The following UQCRB variants were observed in gnomAD, a reference collection of about 807,000 sequenced individuals.
UQCRB encodes cytochrome b-c1 complex subunit 7.
Under a neutral mutation model 19.8 loss-of-function variants are expected in UQCRB, and 12 were observed. The ratio of observed to expected loss-of-function variants is 0.61; its 90% CI spans 0.39 to 0.98. The LOEUF is 0.98. Ranked by LOEUF, UQCRB falls within the 50% of genes least tolerant of loss-of-function variation. The pLI, the probability that UQCRB is intolerant of heterozygous loss-of-function variation, is 0.00. For missense variants in UQCRB, 142 were observed against 131.8 expected, an observed-to-expected ratio of 1.08 and a Z score of -0.38; for synonymous variants, 39 against 42.9, an observed-to-expected ratio of 0.91 and a Z score of 0.35.
chr8:96,229,947 C>G lies in UQCRB; in HGVS notation c.*1108G>C, dbSNP rs963656346. On this transcript the variant is annotated 3_prime_UTR_variant, in exon 4 of 4. Transcript: ENST00000287022. ...GGTAAGGCATTCCTGCCACACACAGCAATGACTTGTCCTGGAAAACCAGGG... is the reference window on the plus strand; with the variant it reads ...GGTAAGGCATTCCTGCCACACACAGGAATGACTTGTCCTGGAAAACCAGGG... 13 of 454,032 alleles carry G rather than the reference C, an allele frequency of 2.9e-5. No individual in the cohort carries two copies. Among genetic ancestry groups the G allele is most frequent in the African/African-American group, 2.4e-4 (12 of 50,006 alleles). The allele number at this position is 454,032 out of a possible 1,614,324, so 28.1% of individuals were successfully genotyped here.
rs1044108325 is a variant in UQCRB at position 96,228,647 on chromosome 8, C to T, written c.*2408G>A. On this transcript the variant is annotated 3_prime_UTR_variant, in exon 4 of 4. Coordinates refer to ENST00000287022, the MANE Select transcript of UQCRB (RefSeq NM_006294.5). ...CCAGAAACTGTTAGTGCTTGACATG[C>T]AGTCAGTTAATTTTCACAACTGGGT... The T allele has an allele frequency of 2.2e-6, 1 of 454,104 alleles. No individual in the cohort carries two copies. The allele number at this position is 454,104 out of a possible 1,614,324, so 28.1% of individuals were successfully genotyped here.
rs1405049634 is a variant in UQCRB at position 96,228,919 on chromosome 8, A to G, written c.*2136T>C. 1.1e-5 allele frequency: 5 copies of G among 454,000 alleles called. No homozygotes were observed. The East Asian group carries it at 3.5e-4, about 32-fold the overall frequency. 28.1% of individuals were successfully genotyped at this position (454,000 alleles called of 1,614,324 possible). A position where few individuals can be genotyped will look rare whatever the true frequency, so the allele number is the denominator to read the frequency against. On this transcript the variant is annotated 3_prime_UTR_variant, in exon 4 of 4. Coordinates refer to ENST00000287022, the MANE Select transcript of UQCRB (RefSeq NM_006294.5). ...CTGTGTTTCAGGCACTCTCATGGTG[A>G]TTTTCCACACAGGACGGCTTTTGAT... is the stretch of plus-strand genomic sequence containing the variant.
rs1036876002 is a variant in UQCRB at position 96,228,043 on chromosome 8, G to T, written c.*3012C>A. ...CTGGCAATTGGGGGTCTGAAGGCCC[G>T]ACATCCCTTACGCTGCTTCCTACAT... On this transcript the variant is annotated 3_prime_UTR_variant, in exon 4 of 4. Coordinates refer to ENST00000287022, the MANE Select transcript of UQCRB (RefSeq NM_006294.5). 2.2e-6 allele frequency: 1 copy of T among 453,948 alleles called. No homozygotes were observed. The highest frequency in any genetic ancestry group is 4.4e-6 in the Non-Finnish European group (1 of 226,798). 28.1% of individuals were successfully genotyped at this position (453,948 alleles called of 1,614,324 possible).
At chr8:96,234,811 C>T (rs1268753927) in intron 1 of UQCRB, 2 of 191,544 alleles carry the variant, frequency 1.0e-5, no homozygotes, top group Admixed American at 5.9e-5. Context: ...GCTACTCCAA[C>T]TTGTACCGCC....
Position 96,228,934 on chromosome 8 carries a change from C to T in UQCRB, c.*2121G>A, listed in dbSNP as rs147363226. ...TCTCATGGTGATTTTCCACACAGGA[C>T]GGCTTTTGATAATAGAAAGGCCCTC... On this transcript the variant is annotated 3_prime_UTR_variant, in exon 4 of 4. Transcript: ENST00000287022. The T allele has an allele frequency of 1.6e-3, 728 of 454,048 alleles. 8 individuals are homozygous for T. Among genetic ancestry groups the T allele is most frequent in the African/African-American group, 0.013 (648 of 50,108 alleles). The allele number at this position is 454,048 out of a possible 1,614,324, so 28.1% of individuals were successfully genotyped here.
Position 96,228,571 on chromosome 8 carries a change from G to A in UQCRB, c.*2484C>T. 1 of 454,114 alleles carries A rather than the reference G, an allele frequency of 2.2e-6. No homozygotes were observed. The highest frequency in any genetic ancestry group is 4.4e-6 in the Non-Finnish European group (1 of 226,788). 28.1% of individuals were successfully genotyped at this position (454,114 alleles called of 1,614,324 possible). The stretch of plus-strand genomic sequence containing the variant: ...TTGATGATATTCAGCGTTTTCCCAA[G>A]TTATTCTTTCTCGCTTCTCAGCACA... On this transcript the variant is annotated 3_prime_UTR_variant, in exon 4 of 4. Coordinates refer to ENST00000287022, the MANE Select transcript of UQCRB (RefSeq NM_006294.5).
At chr8:96,233,326 C>A (rs1809720690) in intron 1 of UQCRB, 99 bp from the exon 2 acceptor site, 2 of 1,060,414 alleles carry the variant, frequency 1.9e-6, no homozygotes, top group African/African-American at 1.6e-5. Context: ...CTGATGAATG[C>A]AAACATAGAA....
rs748829616 is a variant in UQCRB at position 96,231,146 on chromosome 8, G to A, written c.259-14C>T. 8.7e-6 allele frequency: 14 copies of A among 1,614,076 alleles called. No homozygotes were observed. In the South Asian group the frequency reaches 1.3e-4, roughly 15 times the overall value. ...GTAGAAATTTTCCTAAAGAATGAATGAAATATTATATGTTACCATCACGTA... is the reference window on the plus strand; with the variant it reads ...GTAGAAATTTTCCTAAAGAATGAATAAAATATTATATGTTACCATCACGTA... On this transcript the variant is annotated splice_polypyrimidine_tract_variant and intron_variant, in intron 3 of 3. Transcript: ENST00000287022.
Position 96,224,887 on chromosome 8 carries a change from T to A in UQCRB, c.*6168A>T. On this transcript the variant is annotated 3_prime_UTR_variant, in exon 4 of 4. Transcript: ENST00000287022. Reference sequence around the variant, plus strand: ...GAGGCAAAACCACAGAGGAGAGGACTGAGAGTTTGTACTACATAAAAATCA... The same window carrying A: ...GAGGCAAAACCACAGAGGAGAGGACAGAGAGTTTGTACTACATAAAAATCA... Among the ~76,000 whole-genome samples, 1 of 152,198 alleles carries A rather than the reference T, an allele frequency of 6.6e-6. No homozygotes were observed. Among genetic ancestry groups the A allele is most frequent in the East Asian group, 1.9e-4 (1 of 5,196 alleles).
At chr8:96,233,023 T>C in intron 2 of UQCRB, 133 bp downstream of exon 2, 1 of 756,040 alleles carries the variant, frequency 1.3e-6, no homozygotes, top group East Asian at 2.6e-5. Context: ...TAAAATCTTC[T>C]GATGTATACA....
At chr8:96,232,408 C>T in intron 2 of UQCRB, 1 of 157,276 alleles carries the variant, frequency 6.4e-6, no homozygotes. Context: ...CTTCAAGCTT[C>T]AATAGTAAAA....
At chr8:96,234,790 C>A (rs1014946164) in intron 1 of UQCRB, 2 of 193,116 alleles carry the variant, frequency 1.0e-5, no homozygotes, top group Non-Finnish European at 2.1e-5. Context: ...AACAAACAAA[C>A]AAACAAAACG....
Position 96,224,656 on chromosome 8 carries a change from C to T in UQCRB, c.*6399G>A, listed in dbSNP as rs1809498094. On this transcript the variant is annotated 3_prime_UTR_variant, in exon 4 of 4. Coordinates refer to ENST00000287022, the MANE Select transcript of UQCRB (RefSeq NM_006294.5). ...CTTTTACCCTTCCTCACATCCACCT[C>T]TTACACATCTAACTGATATCCAGTC... Among the ~76,000 whole-genome samples, 1 of 152,216 alleles carries T rather than the reference C, an allele frequency of 6.6e-6. No individual in the cohort carries two copies. Among genetic ancestry groups the T allele is most frequent in the Non-Finnish European group, 1.5e-5 (1 of 68,042 alleles).
At chr8:96,234,404 G>A in intron 1 of UQCRB, 1 of 818,484 alleles carries the variant, frequency 1.2e-6, no homozygotes, top group South Asian at 1.4e-5. Context: ...TGTTACTACA[G>A]AAGGGGAAGC....
rs1207552896 is a variant in UQCRB, at chr8:96,223,164, T to C, written c.*7891A>G. Reference sequence around the variant, plus strand: ...GTACACTAAAAATTTGCTGAAAGTGTAGATTTTAGGTGCTCACCAGACACA... The same window carrying C: ...GTACACTAAAAATTTGCTGAAAGTGCAGATTTTAGGTGCTCACCAGACACA... On this transcript the variant is annotated 3_prime_UTR_variant, in exon 4 of 4. Transcript: ENST00000287022. Among the ~76,000 whole-genome samples, 1 of 152,196 alleles carries C rather than the reference T, an allele frequency of 6.6e-6. No homozygotes were observed. Among genetic ancestry groups the C allele is most frequent in the Non-Finnish European group, 1.5e-5 (1 of 68,032 alleles).
intron 1 of UQCRB, chr8:96,233,810 G>A (rs764375358): frequency 6.5e-6 from 1 of 152,680 alleles, no homozygotes; most frequent in Non-Finnish European, 1.5e-5. Flanking sequence ...AAAAATGTAT[G>A]TATTTTGGGG....
Position 96,231,077 on chromosome 8 carries a change from C to A in UQCRB, c.314G>T (p.Arg105Ile), listed in dbSNP as rs1200410976. 1 of 1,613,658 alleles carries A rather than the reference C, an allele frequency of 6.2e-7. No individual in the cohort carries two copies. Among genetic ancestry groups the A allele is most frequent in the Non-Finnish European group, 8.5e-7 (1 of 1,180,018 alleles). Residue 105 changes from arginine to isoleucine, a missense_variant, in exon 4 of 4, where the codon AGA becomes ATA. By Grantham distance (97) the Arg-to-Ile change is moderately conservative. Around this residue, in one of 2 missense-constraint regions of UQCRB, gnomAD observed 10 missense variants for 24.4 expected, o/e 0.41. Transcript: ENST00000287022. ...LKEVIRERKE[R>I]EEWAKK is the part of the protein sequence containing the mutation. ...TGATTACTTCTTTGCCCATTCTTCT[C>A]TTTCTTTTCTTTCCCGAATAACCTC...
Position 96,224,780 on chromosome 8 carries a change from T to C in UQCRB, c.*6275A>G, listed in dbSNP as rs142612532. Among the ~76,000 whole-genome samples, 3 of 152,334 alleles carry C rather than the reference T, an allele frequency of 2.0e-5. No homozygotes were observed. The highest frequency in any genetic ancestry group is 1.3e-4 in the Admixed American group (2 of 15,302). On this transcript the variant is annotated 3_prime_UTR_variant, in exon 4 of 4. Transcript: ENST00000287022. Reference sequence around the variant, plus strand: ...TGAAGATTTATGGTTTTGTTTCTTATACCTAAAAGTACTGGATGAAACCTT... The same window carrying C: ...TGAAGATTTATGGTTTTGTTTCTTACACCTAAAAGTACTGGATGAAACCTT...
At position 96,227,570 on chromosome 8, in the gene UQCRB, C is replaced by G; in HGVS notation, c.*3485G>C. The stretch of plus-strand genomic sequence containing the variant: ...ATACACCATAAACCCATCTGCTCTT[C>G]ATCCATCAAGCTGTCAAGGATTTGG... On this transcript the variant is annotated 3_prime_UTR_variant, in exon 4 of 4. Coordinates refer to ENST00000287022, the MANE Select transcript of UQCRB (RefSeq NM_006294.5). The G allele has an allele frequency of 2.2e-6, 1 of 454,134 alleles. No homozygotes were observed. Among genetic ancestry groups the G allele is most frequent in the Non-Finnish European group, 4.4e-6 (1 of 226,776 alleles). 28.1% of individuals were successfully genotyped at this position (454,134 alleles called of 1,614,324 possible).
Sources: gnomAD v4.1 joint callset for allele counts (sites outside exome capture counted in the v4.1 genomes callset) on GRCh38, gnomAD v4.1.1 for gene constraint, gnomAD v4.1.1 regional missense constraint, MANE v1.5 for transcripts, NCBI Gene and HGNC (gene_info 2026-07-23, HGNC 2026-07-21) for gene names.